The following C16orf87 variants were observed in gnomAD, a reference collection of about 807,000 sequenced individuals.
C16orf87 encodes the protein HDAC and MIER1 interacting protein 1.
A neutral mutation model predicts 21.0 loss-of-function variants in C16orf87; 13 were observed. The observed-to-expected ratio is 0.62, with a 90% confidence interval of 0.40 to 0.98. The LOEUF is 0.98. C16orf87 is among the 50% of genes least tolerant of loss of function. C16orf87 has a pLI of 0.00. For missense variants in C16orf87, 113 were observed against 180.4 expected, an observed-to-expected ratio of 0.63 and a Z score of 2.14; for synonymous variants, 49 against 60.2, an observed-to-expected ratio of 0.81 and a Z score of 0.86.
intron 1 of C16orf87, among the ~76,000 whole-genome samples, chr16:46,827,153 TTGAGTTAATTCATTCTATAGTC>T (rs1249345462): frequency 3.9e-5 from 6 of 152,206 alleles, no homozygotes; most frequent in African/African-American, 1.2e-4. Flanking sequence ...ATTCTATAGT[TTGAGTTAATTCATTCTATAGTC>T]TGAGTTAATT....
rs145863001 is a variant in C16orf87 at position 46,825,061 on chromosome 16, G to A, written c.67-579C>T. ...ATGTATTAAATATGCACTGATGTGA[G>A]TGACCAATAGAAAACTGTAATAGGG... On this transcript the variant is annotated intron_variant, in intron 1 of 3. Coordinates refer to ENST00000285697, the MANE Select transcript of C16orf87 (RefSeq NM_001001436.4). Among the ~76,000 whole-genome samples the A allele has an allele frequency of 3.9e-4, 59 of 152,272 alleles. No individual in the cohort carries two copies. The East Asian group carries it at 0.01, about 27-fold the overall frequency.
chr16:46,803,087 G>T lies in C16orf87; in HGVS notation c.347-17C>A. On this transcript the variant is annotated splice_polypyrimidine_tract_variant and intron_variant, in intron 3 of 3. Transcript: ENST00000285697. Reference sequence around the variant, plus strand: ...CCTGTTTCTCTGTTAAAAGAAAAAGGGAAAGTTTAATATAAAGGCAGTAGA... The same window carrying T: ...CCTGTTTCTCTGTTAAAAGAAAAAGTGAAAGTTTAATATAAAGGCAGTAGA... 3.0e-6 allele frequency: 4 copies of T among 1,332,270 alleles called. No homozygotes were observed. Among genetic ancestry groups the T allele is most frequent in the South Asian group, 1.3e-5 (1 of 79,676 alleles). The allele number at this position is 1,332,270 out of a possible 1,614,324, so 82.5% of individuals were successfully genotyped here. A position where few individuals can be genotyped will look rare whatever the true frequency, so the allele number is the denominator to read the frequency against.
intron 2 of C16orf87, among the ~76,000 whole-genome samples, chr16:46,818,090 G>T (rs1256550467): frequency 6.6e-6 from 1 of 152,054 alleles, no homozygotes; most frequent in South Asian, 2.1e-4. Context: ...TGGCCAGGTT[G>T]ATCTTGAACT....
intron 3 of C16orf87, among the ~76,000 whole-genome samples, chr16:46,807,460 A>G (rs1567307874): frequency 6.6e-6 from 1 of 151,948 alleles, no homozygotes; most frequent in Non-Finnish European, 1.5e-5. Context: ...AAAGAAAGAG[A>G]TTGGCAAACT....
chr16:46,821,718 C>T (rs1226484025), intron 2 of C16orf87, among the ~76,000 whole-genome samples: 1 of 152,034 alleles, frequency 6.6e-6, no homozygotes, highest in African/African-American at 2.4e-5. Context: ...CAGTTTAGTC[C>T]CTGAATGCCT....
chr16:46,823,394 T>C (rs1224912440), intron 2 of C16orf87, among the ~76,000 whole-genome samples: 4 of 152,206 alleles, frequency 2.6e-5, no homozygotes, highest in African/African-American at 7.2e-5. Context: ...CCTACTCTTA[T>C]TTCGAGGTCA....
rs1281888125 is a variant in C16orf87 at position 46,799,188 on chromosome 16, T to C, written c.*3764A>G. The C allele has an allele frequency of 6.6e-6, 1 of 152,188 alleles. No homozygotes were observed. Among genetic ancestry groups the C allele is most frequent in the South Asian group, 2.1e-4 (1 of 4,838 alleles). The allele number at this position is 152,188 out of a possible 1,614,324, so 9.4% of individuals were successfully genotyped here. A position where few individuals can be genotyped will look rare whatever the true frequency, so the allele number is the denominator to read the frequency against. The stretch of plus-strand genomic sequence containing the variant: ...GGAGAGTCTGCTTTGTATGTTAGGA[T>C]AGTTATTAGTATAGTTGTAATCTTT... On this transcript the variant is annotated 3_prime_UTR_variant, in exon 4 of 4. Coordinates refer to ENST00000285697, the MANE Select transcript of C16orf87 (RefSeq NM_001001436.4).
intron 3 of C16orf87, among the ~76,000 whole-genome samples, chr16:46,804,857 T>C (rs1175772920): frequency 6.6e-6 from 1 of 152,234 alleles, no homozygotes; most frequent in Non-Finnish European, 1.5e-5. Context: ...GCATCATATA[T>C]AGTATGTACT....
rs764177597 is a variant in C16orf87, at chr16:46,809,656, C to T, written c.293G>A (p.Arg98Gln). ...TGCACTTTTAGGTCTTCCTCTTCCTCGTCTGATATGATCTGAATGGCTGTT... is the reference window on the plus strand; with the variant it reads ...TGCACTTTTAGGTCTTCCTCTTCCTTGTCTGATATGATCTGAATGGCTGTT... Reference protein sequence around the residue: ...RSNSHSDHIRRGRGRPKSASA... With the variant: ...RSNSHSDHIRQGRGRPKSASA... The change falls in exon 3 of 4, where the codon CGA (arginine) becomes CAA (glutamine). Residue 98 changes from arginine to glutamine, a missense_variant. By Grantham distance (43) the Arg-to-Gln change is conservative. Transcript: ENST00000285697. The T allele has an allele frequency of 6.2e-7, 1 of 1,612,742 alleles. No individual in the cohort carries two copies. Among genetic ancestry groups the T allele is most frequent in the Non-Finnish European group, 8.5e-7 (1 of 1,179,092 alleles).
At chr16:46,807,053 T>A (rs1487289455) in intron 3 of C16orf87, among the ~76,000 whole-genome samples, 1 of 152,262 alleles carries the variant, frequency 6.6e-6, no homozygotes, top group Admixed American at 6.5e-5. Context: ...CATGTTAGAT[T>A]GGTATAAAAG....
intron 2 of C16orf87, among the ~76,000 whole-genome samples, chr16:46,810,814 G>A (rs1968057720): frequency 6.6e-6 from 1 of 152,050 alleles, no homozygotes; most frequent in African/African-American, 2.4e-5. Context: ...AGACAAGCAG[G>A]GTGTTGTTAA....
chr16:46,814,301 G>A (rs1347116482), intron 2 of C16orf87, among the ~76,000 whole-genome samples: 3 of 152,200 alleles, frequency 2.0e-5, no homozygotes, highest in Non-Finnish European at 2.9e-5. Flanking sequence ...GTAAGGGAGA[G>A]CAGGCCACCA....
At chr16:46,831,056 G>A (rs1406710690) in intron 1 of C16orf87, 28 bp downstream of exon 1, 18 of 1,551,566 alleles carry the variant, frequency 1.2e-5, no homozygotes, top group Non-Finnish European at 1.5e-5. Flanking sequence ...ACTGCCGCCC[G>A]CCCGCGCGCC....
chr16:46,802,388 A>C lies in C16orf87; in HGVS notation c.*564T>G, dbSNP rs1384651307. The stretch of plus-strand genomic sequence containing the variant: ...ACTCATACCTTAAGTAATAAAAATA[A>C]AGGCCAAGAAAAAAAATCAATTTAA... On this transcript the variant is annotated 3_prime_UTR_variant, in exon 4 of 4. Coordinates refer to ENST00000285697, the MANE Select transcript of C16orf87 (RefSeq NM_001001436.4). 1 of 152,632 alleles carries C rather than the reference A, an allele frequency of 6.6e-6. No individual in the cohort carries two copies. The highest frequency in any genetic ancestry group is 1.5e-5 in the Non-Finnish European group (1 of 68,006). 9.5% of individuals were successfully genotyped at this position (152,632 alleles called of 1,614,324 possible). A position where few individuals can be genotyped will look rare whatever the true frequency, so the allele number is the denominator to read the frequency against.
Position 46,803,088 on chromosome 16 carries a change from G to A in C16orf87, c.347-18C>T, listed in dbSNP as rs770805391. 2 of 1,312,724 alleles carry A rather than the reference G, an allele frequency of 1.5e-6. No individual in the cohort carries two copies. Among genetic ancestry groups the A allele is most frequent in the South Asian group, 2.5e-5 (2 of 79,368 alleles). The allele number at this position is 1,312,724 out of a possible 1,614,324, so 81.3% of individuals were successfully genotyped here. On this transcript the variant is annotated intron_variant, in intron 3 of 3. Transcript: ENST00000285697. ...CTGTTTCTCTGTTAAAAGAAAAAGG[G>A]AAAGTTTAATATAAAGGCAGTAGAT... is the stretch of plus-strand genomic sequence containing the variant.
chr16:46,803,721 T>G (rs1432854332), intron 3 of C16orf87, among the ~76,000 whole-genome samples: 2 of 151,468 alleles, frequency 1.3e-5, no homozygotes, highest in Non-Finnish European at 2.9e-5. Flanking sequence ...ATAAAACTTG[T>G]TAAAAAAAAA....
chr16:46,815,303 A>G (rs1322858127), intron 2 of C16orf87, among the ~76,000 whole-genome samples: 1 of 152,134 alleles, frequency 6.6e-6, no homozygotes, highest in Non-Finnish European at 1.5e-5. Context: ...AAATCATGGA[A>G]AAGCTTCATG....
In C16orf87 at chr16:46,830,307, A is replaced by AGAGAGAGAGAGAGAGAGAGAGAGAGAGT. The variant is rs758468161; in HGVS notation, c.66+776_66+777insACTCTCTCTCTCTCTCTCTCTCTCTCTC. Among the ~76,000 whole-genome samples the AGAGAGAGAGAGAGAGAGAGAGAGAGAGT allele has an allele frequency of 4.6e-5, 5 of 109,238 alleles. 1 individual carries two copies. The highest frequency in any genetic ancestry group is 2.7e-4 in the East Asian group (1 of 3,728). The allele number at this position is 109,238 out of a possible 152,430, so 71.7% of individuals were successfully genotyped here. A position where few individuals can be genotyped will look rare whatever the true frequency, so the allele number is the denominator to read the frequency against. On this transcript the variant is annotated intron_variant, in intron 1 of 3. Coordinates refer to ENST00000285697, the MANE Select transcript of C16orf87 (RefSeq NM_001001436.4). ...GAGAGAGAGAGAGAGAGAGAGAGAG[A>AGAGAGAGAGAGAGAGAGAGAGAGAGAGT]GACACACAGAGACATTCAGACAGAC...
intron 2 of C16orf87, among the ~76,000 whole-genome samples, chr16:46,811,847 G>T (rs1246266424): frequency 6.6e-6 from 1 of 152,174 alleles, no homozygotes; most frequent in African/African-American, 2.4e-5. Context: ...TTAGGCATTT[G>T]GGAGGCCGAG....
Sources: allele counts gnomAD v4.1 joint callset (sites outside exome capture counted in the v4.1 genomes callset), GRCh38; gene constraint gnomAD v4.1.1; transcripts MANE v1.5; gene names NCBI Gene and HGNC (gene_info 2026-07-23, HGNC 2026-07-21).